NTN1: variants seen among roughly 807,000 people sequenced by gnomAD.
The protein encoded by NTN1 is netrin-1.
NTN1 carries 11 observed loss-of-function variants against 54.2 expected under a neutral mutation model. The observed-to-expected ratio is 0.20, with a 90% CI of 0.13 to 0.34. The LOEUF is 0.34. NTN1 is among the 10% of genes least tolerant of loss of function. The pLI is 1.00. For synonymous variants in NTN1, 371 were observed against 382.0 expected (o/e 0.97, Z 0.33); for missense variants, 740 against 893.1 (o/e 0.83, Z 2.18).
chr17:9,144,002 T>G (rs1457740780), intron 2 of NTN1, among the ~76,000 whole-genome samples: 1 of 151,974 alleles, frequency 6.6e-6, no homozygotes, highest in Non-Finnish European at 1.5e-5. Context: ...TTCAAGCGAT[T>G]CTCCTGCCTC....
chr17:9,226,704 G>A (rs1905576145), intron 6 of NTN1, among the ~76,000 whole-genome samples: 2 of 152,238 alleles, frequency 1.3e-5, no homozygotes, highest in Admixed American at 1.3e-4. Flanking sequence ...TTATTTTCAA[G>A]CATATTCGCG....
chr17:9,023,563 C>G (rs2091860758), intron 2 of NTN1, among the ~76,000 whole-genome samples, 172 bp downstream of exon 2: 1 of 152,262 alleles, frequency 6.6e-6, no homozygotes, highest in South Asian at 2.1e-4. Flanking sequence ...TCGCGTGGCG[C>G]TCGTGGTGGA....
At chr17:9,200,938 A>T (rs1904764524) in intron 5 of NTN1, among the ~76,000 whole-genome samples, 3 of 152,154 alleles carry the variant, frequency 2.0e-5, no homozygotes, top group Admixed American at 1.3e-4. Flanking sequence ...GAGACTGCTA[A>T]GTCTTCTGCA....
intron 2 of NTN1, among the ~76,000 whole-genome samples, chr17:9,048,399 T>C (rs1194785556): frequency 6.6e-6 from 1 of 152,132 alleles, no homozygotes; most frequent in Non-Finnish European, 1.5e-5. Flanking sequence ...AGATTTGCTG[T>C]CCTCCAGGCT....
At chr17:9,201,406 A>G (rs1379336618) in intron 5 of NTN1, among the ~76,000 whole-genome samples, 2 of 152,092 alleles carry the variant, frequency 1.3e-5, no homozygotes, top group African/African-American at 4.8e-5. Flanking sequence ...GGTGATTTGG[A>G]CCTCAGGGCT....
chr17:9,140,666 A>C (rs1047075081), intron 2 of NTN1, among the ~76,000 whole-genome samples: 1 of 152,206 alleles, frequency 6.6e-6, no homozygotes. Context: ...ACCCTAAAGC[A>C]CTGCACTCTC....
rs55982115 is a variant in NTN1, at chr17:9,038,265, C to CACACACACACACACACACACA, written c.1018+14874_1018+14875insACACACACACACACACACACA. 7.5e-3 allele frequency among the ~76,000 whole-genome samples: 1,080 copies of CACACACACACACACACACACA among 144,152 alleles called. 21 individuals carry two copies. Among genetic ancestry groups the CACACACACACACACACACACA allele is most frequent in the African/African-American group, 0.014 (546 of 37,714 alleles). 94.6% of individuals were successfully genotyped at this position (144,152 alleles called of 152,430 possible). ...TGTCTTCTCCTCTCTTTCTCTCTCT[C>CACACACACACACACACACACA]CACACACACACACACCTGAGATCAC... is the stretch of plus-strand genomic sequence containing the variant. On this transcript the variant is annotated intron_variant, in intron 2 of 6. Coordinates refer to ENST00000173229, the MANE Select transcript of NTN1 (RefSeq NM_004822.3).
chr17:9,057,749 C>T (rs1354577285), intron 2 of NTN1, among the ~76,000 whole-genome samples: 2 of 152,232 alleles, frequency 1.3e-5, no homozygotes, highest in African/African-American at 4.8e-5. Context: ...CAGAAAATGA[C>T]ACGTGGCTCC....
chr17:9,228,858 GTA>G (rs1303572491), intron 6 of NTN1, among the ~76,000 whole-genome samples: 7 of 58,532 alleles, frequency 1.2e-4, no homozygotes, highest in African/African-American at 5.3e-4. Flanking sequence ...GTGTGACTGT[GTA>G]TGAGAGTGTG....
At chr17:9,238,378 A>C (rs1906064856) in intron 6 of NTN1, among the ~76,000 whole-genome samples, 1 of 152,160 alleles carries the variant, frequency 6.6e-6, no homozygotes, top group Non-Finnish European at 1.5e-5. Flanking sequence ...CGCCCAGTGA[A>C]GGCTACAGTG....
chr17:9,101,843 T>G (rs1252276954), intron 2 of NTN1, among the ~76,000 whole-genome samples: 1 of 151,792 alleles, frequency 6.6e-6, no homozygotes, highest in African/African-American at 2.4e-5. Flanking sequence ...AAATAAGAAA[T>G]GTAGCCAGGT....
At chr17:9,067,920 T>C (rs942831742) in intron 2 of NTN1, among the ~76,000 whole-genome samples, 3 of 152,106 alleles carry the variant, frequency 2.0e-5, no homozygotes, top group Non-Finnish European at 4.4e-5. Flanking sequence ...AGAGTTCAGA[T>C]TGTATTGAAG....
intron 6 of NTN1, among the ~76,000 whole-genome samples, chr17:9,227,267 C>T (rs1179742492): frequency 6.6e-6 from 1 of 151,244 alleles, no homozygotes; most frequent in Non-Finnish European, 1.5e-5. Flanking sequence ...ATCACACAGG[C>T]ACATATACCA....
At chr17:9,162,751 TCTTGGGTGC>T in intron 2 of NTN1, 53 bp from the exon 3 acceptor site, 1 of 1,503,604 alleles carries the variant, frequency 6.7e-7, no homozygotes. Flanking sequence ...CTTTTGACGC[TCTTGGGTGC>T]CTGTCCTCCC....
chr17:9,017,494 T>C (rs935907799), upstream of NTN1, among the ~76,000 whole-genome samples: 5 of 152,246 alleles, frequency 3.3e-5, no homozygotes, highest in African/African-American at 1.2e-4. Context: ...CATTGGTTTC[T>C]ATAACACCCG....
chr17:9,226,411 CGTGGGGAGGCGGTCT>C lies in NTN1; in HGVS notation c.1486+5170_1486+5184del, dbSNP rs1215081945. Among the ~76,000 whole-genome samples the C allele has an allele frequency of 6.2e-4, 91 of 145,644 alleles. 1 individual carries two copies. The East Asian group carries it at 0.014, about 22-fold the overall frequency. ...GGCACCGTGTCTAAGGGGTGGGGGC[CGTGGGGAGGCGGTCT>C]CGTGGGGAGGCGGTCTCGTGGGGAG... On this transcript the variant is annotated intron_variant, in intron 6 of 6. Transcript: ENST00000173229.
At chr17:9,017,615 C>A (rs1005559391), upstream of NTN1, among the ~76,000 whole-genome samples, 1 of 152,218 alleles carries the variant, frequency 6.6e-6, no homozygotes, top group African/African-American at 2.4e-5. Context: ...AGACAGTGTG[C>A]CAGGAACGGT....
At chr17:9,237,445 G>A (rs1360135855) in intron 6 of NTN1, among the ~76,000 whole-genome samples, 2 of 152,214 alleles carry the variant, frequency 1.3e-5, no homozygotes, top group Admixed American at 1.3e-4. Context: ...GTCACCCTGT[G>A]AAGTCCAGGG....
intron 5 of NTN1, among the ~76,000 whole-genome samples, chr17:9,220,767 G>A (rs534551538): frequency 4.7e-4 from 71 of 152,226 alleles, no homozygotes; most frequent in African/African-American, 1.4e-3. Context: ...GAAAGCCAGC[G>A]CCTGACACAG....
Sources: allele counts gnomAD v4.1 joint callset (sites outside exome capture counted in the v4.1 genomes callset), GRCh38; gene constraint gnomAD v4.1.1; transcripts MANE v1.5; gene names NCBI Gene and HGNC (gene_info 2026-07-23, HGNC 2026-07-21).